Variants in GRIN2B observed in about 807,000 individuals in gnomAD.
GRIN2B encodes glutamate receptor ionotropic, NMDA 2B.
Under a neutral mutation model 114.5 loss-of-function variants are expected in GRIN2B, and 5 were observed. The observed-to-expected ratio is 0.04, with a 90% CI of 0.02 to 0.09. The LOEUF (loss-of-function observed/expected upper bound fraction) is 0.09. Among genes scored for constraint, GRIN2B ranks in the 10% least tolerant of loss-of-function variants. GRIN2B has a pLI of 1.00. For missense variants in GRIN2B, 1,108 were observed against 1,943.5 expected, an observed-to-expected ratio of 0.57 and a Z score of 8.08; for synonymous variants, 787 against 745.1, an observed-to-expected ratio of 1.06 and a Z score of -0.92.
At chr12:13,952,712 G>A (rs1165015466) in intron 2 of GRIN2B, among the ~76,000 whole-genome samples, 1 of 152,022 alleles carries the variant, frequency 6.6e-6, no homozygotes, top group African/African-American at 2.4e-5. Context: ...AATCCCCCAG[G>A]AGCTGGGCAT....
chr12:13,626,425 C>T (rs1177726640), intron 5 of GRIN2B, among the ~76,000 whole-genome samples: 1 of 152,134 alleles, frequency 6.6e-6, no homozygotes, highest in Non-Finnish European at 1.5e-5. Flanking sequence ...TGCTTGTCAT[C>T]AGGTTACCTT....
At chr12:13,866,361 A>ACT in intron 2 of GRIN2B, 135 bp from the exon 3 acceptor site, 1 of 749,628 alleles carries the variant, frequency 1.3e-6, no homozygotes, top group South Asian at 1.5e-5. Context: ...CTACCAGCCT[A>ACT]CTCTCTTATC....
rs149800371 is a variant in GRIN2B, at chr12:13,840,871, T to A, written c.411+24927A>T. Among the ~76,000 whole-genome samples the A allele has an allele frequency of 4.5e-3, 680 of 152,266 alleles. 4 individuals carry two copies. The highest frequency in any genetic ancestry group is 0.016 in the African/African-American group (647 of 41,530). The stretch of plus-strand genomic sequence containing the variant: ...TTTGTCCTATCATTTTTTACATATT[T>A]CTAAAAATATAAGAACTCCTTCAGC... On this transcript the variant is annotated intron_variant, in intron 3 of 13. Coordinates refer to ENST00000609686, the MANE Select transcript of GRIN2B (RefSeq NM_000834.5).
intron 4 of GRIN2B, among the ~76,000 whole-genome samples, chr12:13,734,059 C>T (rs1035401435): frequency 5.9e-5 from 9 of 152,104 alleles, no homozygotes; most frequent in South Asian, 4.1e-4. Context: ...CAGTTCCTTT[C>T]GGAAAGTAAT....
intron 2 of GRIN2B, among the ~76,000 whole-genome samples, chr12:13,892,841 T>A (rs947124449): frequency 1.3e-5 from 2 of 152,176 alleles, no homozygotes; most frequent in African/African-American, 4.8e-5. Flanking sequence ...TAGGAAGATA[T>A]AAGATTTAAG....
rs747172511 is a variant in GRIN2B, at chr12:13,616,496, G to A, written c.1287C>T (p.Cys429=). ...TTTGGCAGGGGACTGTGTTCCTCAT[G>A]CAGGTTCCACTCAGAGGGTCCACAC... ...VESVDPLSGT[C]MRNTVPCQKR... is the part of the protein sequence containing the mutation. The change falls in exon 6 of 14, where the codon TGC becomes TGT. Residue 429 remains cysteine, a synonymous_variant. Transcript: ENST00000609686. The A allele has an allele frequency of 6.2e-6, 10 of 1,613,906 alleles. No individual in the cohort carries two copies. The East Asian group carries it at 2.0e-4, about 32-fold the overall frequency.
chr12:13,575,796 C>A (rs1442866743), intron 10 of GRIN2B, among the ~76,000 whole-genome samples: 2 of 151,990 alleles, frequency 1.3e-5, no homozygotes, highest in East Asian at 3.9e-4. Context: ...TTGTCTCAGG[C>A]CAGCTGCATG....
At chr12:13,736,148 GGGT>G (rs57187002) in intron 4 of GRIN2B, among the ~76,000 whole-genome samples, 116,125 of 128,732 alleles carry the variant, frequency 0.9, 53,079 homozygotes, top group African/African-American at 0.94. Flanking sequence ...GGGGGGGGGG[GGGT>G]TGGCGGGAAT....
chr12:13,692,152 T>A (rs1950219736), intron 4 of GRIN2B, among the ~76,000 whole-genome samples: 1 of 152,152 alleles, frequency 6.6e-6, no homozygotes, highest in South Asian at 2.1e-4. Flanking sequence ...TTCAGCAACT[T>A]GCACAGAAGG....
In GRIN2B at chr12:13,611,710, T is replaced by G; in HGVS notation, c.1780+15A>C. ...AAAAAAACTGGGGAAGTGCAGCGGT[T>G]CCAGCCGGCCTTACCTCTGCCATCA... On this transcript the variant is annotated intron_variant, in intron 9 of 13. Transcript: ENST00000609686. 1 of 1,613,442 alleles carries G rather than the reference T, an allele frequency of 6.2e-7. No individual in the cohort carries two copies. Among genetic ancestry groups the G allele is most frequent in the Non-Finnish European group, 8.5e-7 (1 of 1,179,404 alleles).
At chr12:13,908,240 A>T (rs570646206) in intron 2 of GRIN2B, among the ~76,000 whole-genome samples, 13 of 151,776 alleles carry the variant, frequency 8.6e-5, no homozygotes, top group African/African-American at 2.9e-4. Flanking sequence ...ACATATTTGA[A>T]AAAAAAAACA....
chr12:13,866,507 T>C (rs1865831490), intron 2 of GRIN2B, among the ~76,000 whole-genome samples: 1 of 152,202 alleles, frequency 6.6e-6, no homozygotes, highest in Non-Finnish European at 1.5e-5. Flanking sequence ...AAAGAGGTTG[T>C]GAGTGGTCCA....
At chr12:13,745,285 C>T (rs1863359779) in intron 4 of GRIN2B, among the ~76,000 whole-genome samples, 1 of 152,152 alleles carries the variant, frequency 6.6e-6, no homozygotes, top group African/African-American at 2.4e-5. Context: ...ACCCAGGCAG[C>T]CTTTATCCTC....
rs143284611 is a variant in GRIN2B, at chr12:13,932,503, T to C, written c.-19+47425A>G. ...ATGCCTACCACTTAATTGGCAGTAA[T>C]AAATGTCTGCCTACTAATCTGTGCA... On this transcript the variant is annotated intron_variant, in intron 2 of 13. Coordinates refer to ENST00000609686, the MANE Select transcript of GRIN2B (RefSeq NM_000834.5). Among the ~76,000 whole-genome samples, 18 of 152,326 alleles carry C rather than the reference T, an allele frequency of 1.2e-4. No homozygotes were observed. The East Asian group carries it at 3.5e-3, about 29-fold the overall frequency.
At chr12:13,569,687 A>G in intron 12 of GRIN2B, 143 bp downstream of exon 12, 1 of 589,722 alleles carries the variant, frequency 1.7e-6, no homozygotes, top group East Asian at 2.8e-5. Context: ...GGAAACAAAT[A>G]TATACCCGAA....
chr12:13,797,855 T>C (rs1279341851), intron 3 of GRIN2B, among the ~76,000 whole-genome samples: 2 of 152,228 alleles, frequency 1.3e-5, no homozygotes, highest in African/African-American at 4.8e-5. Flanking sequence ...ATAGAAGCCC[T>C]TCTGTGATCC....
chr12:13,588,294 G>T (rs1325785626), intron 10 of GRIN2B, among the ~76,000 whole-genome samples: 1 of 152,174 alleles, frequency 6.6e-6, no homozygotes, highest in Non-Finnish European at 1.5e-5. Flanking sequence ...CAAATAAGAG[G>T]CTCCATCACT....
At chr12:13,567,319 G>C in intron 12 of GRIN2B, 56 bp from the exon 13 acceptor site, 1 of 1,225,738 alleles carries the variant, frequency 8.2e-7, no homozygotes, top group Non-Finnish European at 1.2e-6. Context: ...GAAAGGAGCA[G>C]AGAAAAGGGA....
chr12:13,660,419 C>T (rs1029204290), intron 5 of GRIN2B, among the ~76,000 whole-genome samples: 2 of 152,124 alleles, frequency 1.3e-5, no homozygotes, highest in African/African-American at 4.8e-5. Flanking sequence ...GCACAGAGTC[C>T]TTCATAGAAG....
Sources: allele counts gnomAD v4.1 joint callset (sites outside exome capture counted in the v4.1 genomes callset), GRCh38; gene constraint gnomAD v4.1.1; transcripts MANE v1.5; gene names NCBI Gene and HGNC (gene_info 2026-07-23, HGNC 2026-07-21).